The following EXTL3 variants were observed in gnomAD, a reference collection of about 807,000 sequenced individuals.
The protein encoded by EXTL3 is exostosin like glycosyltransferase 3.
A neutral mutation model predicts 69.3 loss-of-function variants in EXTL3; 27 were observed. That is an observed-to-expected ratio of 0.39 (90% CI 0.29 to 0.54). The LOEUF (loss-of-function observed/expected upper bound fraction) is 0.54. Among genes scored for constraint, EXTL3 ranks in the 20% least tolerant of loss-of-function variants. The probability of loss-of-function intolerance (pLI) is 0.69; values close to 1 mark genes in which losing one functional copy is unlikely to be tolerated. For missense variants in EXTL3, 1,003 were observed against 1,231.8 expected (o/e 0.81, Z 2.78); for synonymous variants, 511 against 499.4 (o/e 1.02, Z -0.31).
chr8:28,706,099 A>G (rs995078723), intron 1 of EXTL3, among the ~76,000 whole-genome samples: 7 of 152,240 alleles, frequency 4.6e-5, no homozygotes, highest in African/African-American at 1.7e-4. Flanking sequence ...TATCATAGTC[A>G]TATCAGTGAC....
chr8:28,738,926 A>G (rs1464773755), intron 5 of EXTL3, among the ~76,000 whole-genome samples: 1 of 152,016 alleles, frequency 6.6e-6, no homozygotes. Context: ...CATGCCCTCC[A>G]TGGTTCTGGT....
chr8:28,707,113 G>A (rs1490457786), intron 1 of EXTL3, among the ~76,000 whole-genome samples: 2 of 152,164 alleles, frequency 1.3e-5, no homozygotes, highest in Non-Finnish European at 2.9e-5. Flanking sequence ...ATTGAAAAAT[G>A]TAATGAGGTG....
At chr8:28,693,148 A>ATTT (rs749978399) in intron 1 of EXTL3, among the ~76,000 whole-genome samples, 12 of 135,264 alleles carry the variant, frequency 8.9e-5, no homozygotes, top group African/African-American at 2.7e-4. Flanking sequence ...CAGATAACAG[A>ATTT]TTTTTTTTTT....
rs1801133493 is a variant in EXTL3, at chr8:28,715,971, C to T, written c.-89C>T. ...CACACTAACTCTTCTGGAAACGTGT[C>T]AGTGAAACAGAGATCGTTTTGTGGA... On this transcript the variant is annotated 5_prime_UTR_variant, in exon 3 of 7. An upstream open reading frame in the 5' UTR gains an earlier in-frame stop. Coordinates refer to ENST00000220562, the MANE Select transcript of EXTL3 (RefSeq NM_001440.4). The T allele has an allele frequency of 9.5e-7, 1 of 1,056,458 alleles. No homozygotes were observed. Among genetic ancestry groups the T allele is most frequent in the African/African-American group, 1.6e-5 (1 of 64,424 alleles). 65.4% of individuals were successfully genotyped at this position (1,056,458 alleles called of 1,614,324 possible).
chr8:28,659,737 A>G (rs1457140449), intron 1 of EXTL3, among the ~76,000 whole-genome samples: 1 of 152,178 alleles, frequency 6.6e-6, no homozygotes, highest in African/African-American at 2.4e-5. Context: ...CAAGAGAACA[A>G]AGAGCTGCTT....
At chr8:28,673,276 T>C (rs991403906) in intron 1 of EXTL3, among the ~76,000 whole-genome samples, 2 of 152,254 alleles carry the variant, frequency 1.3e-5, no homozygotes, top group Non-Finnish European at 2.9e-5. Flanking sequence ...TCAACTTGAC[T>C]AGCCATGGGA....
At chr8:28,670,064 C>G (rs533701020) in intron 1 of EXTL3, among the ~76,000 whole-genome samples, 1 of 152,030 alleles carries the variant, frequency 6.6e-6, no homozygotes, top group Non-Finnish European at 1.5e-5. Context: ...CAAAAACTAG[C>G]TGGGCATGAT....
At chr8:28,632,159 C>A (rs1188631283) in intron 1 of EXTL3, among the ~76,000 whole-genome samples, 1 of 151,808 alleles carries the variant, frequency 6.6e-6, no homozygotes, top group African/African-American at 2.4e-5. Flanking sequence ...GTAATCCCAG[C>A]ACTTTGGGAG....
intron 3 of EXTL3, among the ~76,000 whole-genome samples, chr8:28,723,756 C>T (rs1026201069): frequency 6.6e-6 from 1 of 151,252 alleles, no homozygotes; most frequent in African/African-American, 2.4e-5. Flanking sequence ...ATTCTTGTAC[C>T]TCAGCCTCTT....
chr8:28,666,069 T>C (rs1807192053), intron 1 of EXTL3, among the ~76,000 whole-genome samples: 1 of 152,224 alleles, frequency 6.6e-6, no homozygotes, highest in Admixed American at 6.5e-5. Flanking sequence ...TCCAGGAGTT[T>C]TTAAGATTTC....
intron 1 of EXTL3, among the ~76,000 whole-genome samples, chr8:28,651,989 A>C (rs1409651791): frequency 6.6e-6 from 1 of 152,018 alleles, no homozygotes; most frequent in East Asian, 1.9e-4. Context: ...TGTAGCATGC[A>C]TCAGAGCTTA....
intron 1 of EXTL3, among the ~76,000 whole-genome samples, chr8:28,629,030 T>G (rs1357784527): frequency 6.6e-6 from 1 of 152,086 alleles, no homozygotes; most frequent in East Asian, 1.9e-4. Context: ...GAGATGGCAT[T>G]TAGTTCAACT....
intron 1 of EXTL3, among the ~76,000 whole-genome samples, chr8:28,709,052 C>T (rs1800978752): frequency 6.6e-6 from 1 of 152,048 alleles, no homozygotes; most frequent in South Asian, 2.1e-4. Flanking sequence ...TGTGCCTGCT[C>T]GCACTCTTAC....
chr8:28,628,333 G>C (rs889393228), intron 1 of EXTL3, among the ~76,000 whole-genome samples: 2 of 152,158 alleles, frequency 1.3e-5, no homozygotes, highest in Non-Finnish European at 2.9e-5. Flanking sequence ...CTGCACTCCA[G>C]CCTGGGCAAC....
At chr8:28,702,556 T>TCCCCCGCCACCCGCACCACCCCA (rs1800832146) in intron 1 of EXTL3, among the ~76,000 whole-genome samples, 3 of 91,120 alleles carry the variant, frequency 3.3e-5, no homozygotes, top group Non-Finnish European at 6.9e-5. Context: ...ATTTTGCCCC[T>TCCCCCGCCACCCGCACCACCCCA]CCCCCGCCAC....
chr8:28,666,866 C>T (rs552710038), intron 1 of EXTL3, among the ~76,000 whole-genome samples: 2 of 152,318 alleles, frequency 1.3e-5, no homozygotes, highest in South Asian at 2.1e-4. Context: ...TGAGCCACCA[C>T]GCCCAGCCCC....
At position 28,651,975 on chromosome 8, in the gene EXTL3, A is replaced by G. The variant is rs190961930; in HGVS notation, c.-53+29165A>G. 5.3e-5 allele frequency among the ~76,000 whole-genome samples: 8 copies of G among 152,186 alleles called. No homozygotes were observed. The East Asian group carries it at 1.3e-3, about 26-fold the overall frequency. The stretch of plus-strand genomic sequence containing the variant: ...TTTAGCATGTCTTCAAGGTCCATCC[A>G]TATTGTAGCATGCATCAGAGCTTAA... On this transcript the variant is annotated intron_variant, in intron 1 of 6. Coordinates refer to the EXTL3 transcript ENST00000523149.
chr8:28,669,920 A>C (rs1807258224), intron 1 of EXTL3, among the ~76,000 whole-genome samples: 1 of 151,986 alleles, frequency 6.6e-6, no homozygotes, highest in African/African-American at 2.4e-5. Flanking sequence ...CTTTAAAGGG[A>C]CTTTGAGGCC....
chr8:28,634,773 T>C (rs1010814723), intron 1 of EXTL3, among the ~76,000 whole-genome samples: 5 of 152,118 alleles, frequency 3.3e-5, no homozygotes, highest in African/African-American at 1.2e-4. Flanking sequence ...TTTCTGTATT[T>C]TTAGTAGAGA....
Sources: gnomAD v4.1 joint callset for allele counts (sites outside exome capture counted in the v4.1 genomes callset) on GRCh38, gnomAD v4.1.1 for gene constraint, MANE v1.5 for transcripts, NCBI Gene and HGNC (gene_info 2026-07-23, HGNC 2026-07-21) for gene names.